The following PSMA2 variants were observed in gnomAD, a reference collection of about 807,000 sequenced individuals.
PSMA2 encodes proteasome subunit alpha type-2.
Under a neutral mutation model 35.9 loss-of-function variants are expected in PSMA2, and 2 were observed. The ratio of observed to expected loss-of-function variants is 0.06; its 90% CI spans 0.02 to 0.18. The LOEUF is 0.18. Ranked by LOEUF, PSMA2 falls within the 10% of genes least tolerant of loss-of-function variation. The probability of loss-of-function intolerance (pLI) is 1.00; values close to 1 mark genes in which losing one functional copy is unlikely to be tolerated. For missense variants in PSMA2, 126 were observed against 278.8 expected (o/e 0.45, Z 3.90); for synonymous variants, 97 against 98.2 (o/e 0.99, Z 0.07).
rs73321787 is a variant in PSMA2 at position 42,929,176 on chromosome 7, G to A, written c.42-1717C>T. 6.8e-3 allele frequency among the ~76,000 whole-genome samples: 1,039 copies of A among 152,218 alleles called. 12 individuals are homozygous for A. Among genetic ancestry groups the A allele is most frequent in the African/African-American group, 0.024 (995 of 41,540 alleles). ...AATCCACAATCATTTGGCTGACAGAGACACATCTAGACCAATTAAAGAAAC... is the reference window on the plus strand; with the variant it reads ...AATCCACAATCATTTGGCTGACAGAAACACATCTAGACCAATTAAAGAAAC... On this transcript the variant is annotated intron_variant, in intron 1 of 7. Coordinates refer to ENST00000223321, the MANE Select transcript of PSMA2 (RefSeq NM_002787.5).
At chr7:42,920,865 C>T (rs1786117513) in intron 6 of PSMA2, 1 of 152,118 alleles carries the variant, frequency 6.6e-6, no homozygotes, top group East Asian at 1.9e-4. Context: ...ATGGATGGAA[C>T]TCGAGGTCAT....
intron 4 of PSMA2, among the ~76,000 whole-genome samples, chr7:42,924,376 A>AAAAAAAAAAAAAAG (rs1562701744): frequency 6.6e-6 from 1 of 151,084 alleles, no homozygotes; most frequent in African/African-American, 2.4e-5. Flanking sequence ...AAAAAAAAAA[A>AAAAAAAAAAAAAAG]AAAGAAAAAT....
chr7:42,920,711 C>T (rs563674463), intron 6 of PSMA2: 1 of 152,230 alleles, frequency 6.6e-6, no homozygotes, highest in African/African-American at 2.4e-5. Flanking sequence ...ATTAAGTTTA[C>T]CATTTAAATC....
intron 1 of PSMA2, chr7:42,931,264 G>A (rs1786305411): frequency 2.8e-6 from 1 of 359,708 alleles, no homozygotes; most frequent in Non-Finnish European, 5.5e-6. Flanking sequence ...CAGTTGTCAG[G>A]AGTACATTTT....
intron 2 of PSMA2, 32 bp from the exon 3 acceptor site, chr7:42,926,700 A>T (rs1786223322): frequency 6.4e-7 from 1 of 1,573,466 alleles, no homozygotes; most frequent in African/African-American, 1.4e-5. Context: ...ATAAATGTTT[A>T]ATCATTTTTA....
chr7:42,926,679 AAG>A lies in PSMA2; in HGVS notation c.119-13_119-12del, dbSNP rs370265156. On this transcript the variant is annotated splice_polypyrimidine_tract_variant and intron_variant, in intron 2 of 7. Coordinates refer to ENST00000223321, the MANE Select transcript of PSMA2 (RefSeq NM_002787.5). ...CCACACCATTTGCAGCTTAAAAAAA[AAG>A]AGAGAGACATAAATGTTTAATCATT... The A allele has an allele frequency of 7.5e-5, 119 of 1,588,544 alleles. No homozygotes were observed. In the African/African-American group the frequency reaches 1.3e-3, roughly 17 times the overall value.
chr7:42,920,211 T>G, intron 6 of PSMA2: 3 of 293,114 alleles, frequency 1.0e-5, no homozygotes, highest in South Asian at 8.0e-5. Flanking sequence ...TAATGAGGAA[T>G]ATGAATTAGC....
At chr7:42,921,581 C>T (rs1786129744) in intron 6 of PSMA2, 1 of 265,746 alleles carries the variant, frequency 3.8e-6, no homozygotes, top group Non-Finnish European at 7.0e-6. Context: ...CCTGAAATGG[C>T]ACAAAAAGTG....
chr7:42,923,485 A>C (rs1375205807), intron 4 of PSMA2, 79 bp from the exon 5 acceptor site: 1 of 1,074,040 alleles, frequency 9.3e-7, no homozygotes, highest in Admixed American at 2.0e-5. Flanking sequence ...GTACTCTCAA[A>C]TAAAGCAAAT....
chr7:42,926,618 A>G lies in PSMA2; in HGVS notation c.169T>C (p.Tyr57His). Residue 57 changes from tyrosine (Y) to histidine (H), a missense_variant, in exon 3 of 8, where the codon TAT (tyrosine) becomes CAT (histidine). Around this residue, in one of 3 missense-constraint regions of PSMA2, gnomAD observed 78 missense variants for 151.1 expected, o/e 0.52. Transcript: ENST00000223321. ...ACTTTGTGTACACTTCGCTCATCATACAGAATGGATTTCTGTTTTTTCTCA... is the reference window on the plus strand; with the variant it reads ...ACTTTGTGTACACTTCGCTCATCATGCAGAATGGATTTCTGTTTTTTCTCA... ...ATEKKQKSIL[Y>H]DERSVHKVEP... 6.2e-7 allele frequency: 1 copy of G among 1,612,646 alleles called. No individual in the cohort carries two copies. The highest frequency in any genetic ancestry group is 8.5e-7 in the Non-Finnish European group (1 of 1,179,568).
At chr7:42,918,987 C>G in intron 6 of PSMA2, 2 of 235,634 alleles carry the variant, frequency 8.5e-6, no homozygotes, top group South Asian at 1.1e-4. Flanking sequence ...TCACTCCTGG[C>G]TAATTTTTGT....
intron 1 of PSMA2, among the ~76,000 whole-genome samples, chr7:42,930,397 T>A (rs1221216393): frequency 1.3e-5 from 2 of 152,006 alleles, no homozygotes; most frequent in African/African-American, 4.8e-5. Flanking sequence ...ATAGCTTGGA[T>A]TACAGGCACA....
chr7:42,924,164 T>A (rs1247644294), intron 4 of PSMA2, among the ~76,000 whole-genome samples: 1 of 143,450 alleles, frequency 7.0e-6, no homozygotes, highest in Non-Finnish European at 1.5e-5. Context: ...GCCAACATAG[T>A]GAAACCACAT....
Position 42,926,610 on chromosome 7 carries a change from C to T in PSMA2, c.177G>A (p.Glu59=). 1 of 1,612,534 alleles carries T rather than the reference C, an allele frequency of 6.2e-7. No homozygotes were observed. Among genetic ancestry groups the T allele is most frequent in the Non-Finnish European group, 8.5e-7 (1 of 1,179,546 alleles). ...TTGGTTCTACTTTGTGTACACTTCGCTCATCATACAGAATGGATTTCTGTT... is the reference window on the plus strand; with the variant it reads ...TTGGTTCTACTTTGTGTACACTTCGTTCATCATACAGAATGGATTTCTGTT... ...EKKQKSILYD[E]RSVHKVEPIT... is the part of the protein sequence containing the mutation. Residue 59 remains glutamate, a synonymous_variant, in exon 3 of 8, where the codon GAG becomes GAA. Transcript: ENST00000223321.
Position 42,917,762 on chromosome 7 carries a change from T to TG in PSMA2, c.588+15dup, listed in dbSNP as rs776923071. The TG allele has an allele frequency of 1.1e-4, 180 of 1,611,544 alleles. 2 individuals are homozygous for TG. In the South Asian group the frequency reaches 1.5e-3, roughly 13 times the overall value. On this transcript the variant is annotated intron_variant, in intron 7 of 7. Transcript: ENST00000223321. Reference sequence around the variant, plus strand: ...ATGAAATCATTATAAATCCAGTTGTTGAATACTGAGCTAACCTTTAGGGTT... The same window carrying TG: ...ATGAAATCATTATAAATCCAGTTGTTGGAATACTGAGCTAACCTTTAGGGTT...
chr7:42,920,107 C>T, intron 6 of PSMA2: 1 of 513,582 alleles, frequency 1.9e-6, no homozygotes, highest in South Asian at 2.0e-5. Context: ...AAGCATGTGC[C>T]ACAGACAGCA....
intron 3 of PSMA2, 104 bp from the exon 4 acceptor site, chr7:42,924,901 A>G (rs754167028): frequency 3.6e-6 from 4 of 1,102,548 alleles, no homozygotes; most frequent in South Asian, 1.6e-5. Context: ...TTTAACATGT[A>G]TCTCTTTAAT....
At position 42,917,847 on chromosome 7, in the gene PSMA2, A is replaced by T. The variant is rs55912267; in HGVS notation, c.531-12T>A. The T allele has an allele frequency of 0.086, 129,342 of 1,511,172 alleles. 6,275 individuals carry two copies. The highest frequency in any genetic ancestry group is 0.11 in the Middle Eastern group (482 of 4,320). The allele number at this position is 1,511,172 out of a possible 1,614,324, so 93.6% of individuals were successfully genotyped here. A position where few individuals can be genotyped will look rare whatever the true frequency, so the allele number is the denominator to read the frequency against. ...GATCTTCATTATATCTGAAGAATTT[A>T]AAAAAAATTACTTATATCATTGTTT... On this transcript the variant is annotated splice_polypyrimidine_tract_variant and intron_variant, in intron 6 of 7. Coordinates refer to ENST00000223321, the MANE Select transcript of PSMA2 (RefSeq NM_002787.5).
intron 7 of PSMA2, 25 bp from the exon 8 acceptor site, chr7:42,917,715 T>C: frequency 6.2e-7 from 1 of 1,611,194 alleles, no homozygotes; most frequent in South Asian, 1.1e-5. Context: ...GGAAAAAAGG[T>C]CAATTTTCTA....
Sources: gnomAD v4.1 joint callset for allele counts (sites outside exome capture counted in the v4.1 genomes callset) on GRCh38, gnomAD v4.1.1 for gene constraint, gnomAD v4.1.1 regional missense constraint, MANE v1.5 for transcripts, NCBI Gene and HGNC (gene_info 2026-07-23, HGNC 2026-07-21) for gene names.